The following DNAH11 variants were observed in gnomAD, a reference collection of about 807,000 sequenced individuals.
DNAH11 encodes axonemal beta dynein heavy chain 11.
DNAH11 carries 442 observed loss-of-function variants against 526.0 expected under a neutral mutation model. The ratio of observed to expected loss-of-function variants is 0.84; its 90% confidence interval spans 0.78 to 0.91. DNAH11 has a LOEUF of 0.91. DNAH11 is among the 40% of genes least tolerant of loss of function. DNAH11 has a pLI of 0.00. For synonymous variants in DNAH11, 2,461 were observed against 1,935.9 expected (o/e 1.27, Z -7.12); for missense variants, 6,989 against 5,448.7 (o/e 1.28, Z -8.90).
chr7:21,695,089 A>C (rs1783793598), intron 35 of DNAH11, among the ~76,000 whole-genome samples: 1 of 152,230 alleles, frequency 6.6e-6, no homozygotes, highest in East Asian at 1.9e-4. Flanking sequence ...CAAGGAAATA[A>C]GAGAGGACAC....
At chr7:21,790,789 G>A (rs865871787) in intron 61 of DNAH11, among the ~76,000 whole-genome samples, 1 of 152,194 alleles carries the variant, frequency 6.6e-6, no homozygotes, top group Admixed American at 6.5e-5. Flanking sequence ...ATGTTTTGGC[G>A]AGTATGAGGG....
intron 34 of DNAH11, among the ~76,000 whole-genome samples, chr7:21,690,129 C>A (rs1168970663): frequency 6.6e-6 from 1 of 152,116 alleles, no homozygotes; most frequent in Non-Finnish European, 1.5e-5. Context: ...CCTTTTAAAT[C>A]CTTGCAGAAT....
At chr7:21,858,321 GTAAAGA>G in intron 68 of DNAH11, among the ~76,000 whole-genome samples, 1 of 152,288 alleles carries the variant, frequency 6.6e-6, no homozygotes, top group East Asian at 1.9e-4. Flanking sequence ...GCAGTTTCTT[GTAAAGA>G]TAAATATACA....
intron 69 of DNAH11, 76 bp downstream of exon 69, chr7:21,862,099 C>T: frequency 3.0e-6 from 4 of 1,334,606 alleles, no homozygotes; most frequent in South Asian, 3.2e-5. Context: ...TATTTTATTT[C>T]TGCTGAAGCA....
intron 26 of DNAH11, 41 bp downstream of exon 26, chr7:21,636,136 TGTAAA>T (rs1417278862): frequency 1.3e-6 from 2 of 1,503,412 alleles, no homozygotes; most frequent in Non-Finnish European, 1.8e-6. Flanking sequence ...AGCAAAGTTT[TGTAAA>T]GTAACATGGT....
chr7:21,879,294 A>T (rs1235645236), intron 74 of DNAH11, among the ~76,000 whole-genome samples: 1 of 152,000 alleles, frequency 6.6e-6, no homozygotes, highest in African/African-American at 2.4e-5. Context: ...TCTATTTAAA[A>T]ATATATACAA....
Position 21,722,055 on chromosome 7 carries a change from C to T in DNAH11, c.7266+1199C>T, listed in dbSNP as rs555796474. ...CATTTGCACCAGCACACAGATCCCA[C>T]GAACTGCTTAGACTTACCAAAGTGC... is the stretch of plus-strand genomic sequence containing the variant. On this transcript the variant is annotated intron_variant, in intron 44 of 81. Coordinates refer to ENST00000409508, the MANE Select transcript of DNAH11 (RefSeq NM_001277115.2). 2.9e-4 allele frequency among the ~76,000 whole-genome samples: 44 copies of T among 152,272 alleles called. 1 individual carries two copies. The highest frequency in any genetic ancestry group is 8.4e-4 in the African/African-American group (35 of 41,554).
intron 25 of DNAH11, among the ~76,000 whole-genome samples, chr7:21,634,154 A>G (rs1199102245): frequency 6.6e-6 from 1 of 152,234 alleles, no homozygotes; most frequent in Non-Finnish European, 1.5e-5. Flanking sequence ...GATGACACTT[A>G]TTATTGGTTT....
At position 21,869,002 on chromosome 7, in the gene DNAH11, A is replaced by C; in HGVS notation, c.11967+11A>C. On this transcript the variant is annotated intron_variant, in intron 73 of 81. Transcript: ENST00000409508. ...TGGGTCATCCTCCAAGTGAGTATTA[A>C]GTTTCAGGGAAGACACTGGGCATAA... 2 of 1,613,716 alleles carry C rather than the reference A, an allele frequency of 1.2e-6. No homozygotes were observed. Among genetic ancestry groups the C allele is most frequent in the Non-Finnish European group, 1.7e-6 (2 of 1,179,796 alleles).
At chr7:21,567,069 TG>T (rs1259270672) in intron 6 of DNAH11, among the ~76,000 whole-genome samples, 4 of 152,224 alleles carry the variant, frequency 2.6e-5, no homozygotes, top group African/African-American at 9.6e-5. Context: ...AATCTTTTCA[TG>T]GCTCTTGAGC....
intron 63 of DNAH11, among the ~76,000 whole-genome samples, chr7:21,813,359 A>T (rs1242919235): frequency 6.6e-6 from 1 of 152,218 alleles, no homozygotes; most frequent in Non-Finnish European, 1.5e-5. Flanking sequence ...CACTAATGCT[A>T]AGCCTCTGTG....
At position 21,617,666 on chromosome 7, in the gene DNAH11, G is replaced by A. The variant is rs757101745; in HGVS notation, c.4143G>A (p.Thr1381=). The A allele has an allele frequency of 1.1e-5, 18 of 1,613,770 alleles. No individual in the cohort carries two copies. The highest frequency in any genetic ancestry group is 1.7e-4 in the Middle Eastern group (1 of 6,056). Residue 1381 remains threonine (T), a synonymous_variant, in exon 23 of 82, where the codon ACG becomes ACA. Coordinates refer to ENST00000409508, the MANE Select transcript of DNAH11 (RefSeq NM_001277115.2). ...NKEVRVWDAY[T]GLEGTVKDMT... ...AAGTCCGCGTCTGGGATGCTTACAC[G>A]GGCCTGGAAGGCACAGTTAAGGACA... is the stretch of plus-strand genomic sequence containing the variant.
chr7:21,626,264 C>A (rs1786328325), intron 25 of DNAH11, among the ~76,000 whole-genome samples: 1 of 152,116 alleles, frequency 6.6e-6, no homozygotes, highest in Non-Finnish European at 1.5e-5. Flanking sequence ...TCCTCTAGTT[C>A]CATCCACATA....
chr7:21,802,730 A>G (rs896131716), intron 62 of DNAH11, among the ~76,000 whole-genome samples: 1 of 151,950 alleles, frequency 6.6e-6, no homozygotes, highest in Non-Finnish European at 1.5e-5. Context: ...ATCACATGGT[A>G]TGTGATATCA....
At chr7:21,566,827 T>C (rs1024788657) in intron 6 of DNAH11, among the ~76,000 whole-genome samples, 1 of 152,208 alleles carries the variant, frequency 6.6e-6, no homozygotes, top group Non-Finnish European at 1.5e-5. Flanking sequence ...CACTCTATTA[T>C]TAAAGCATTT....
At chr7:21,766,041 T>C (rs1213281324) in intron 55 of DNAH11, among the ~76,000 whole-genome samples, 1 of 152,222 alleles carries the variant, frequency 6.6e-6, no homozygotes, top group Admixed American at 6.5e-5. Context: ...ATTCTCATAG[T>C]AGCAATAGTT....
rs370223017 is a variant in DNAH11 at position 21,739,609 on chromosome 7, A to G, written c.7850A>G (p.Asn2617Ser). Residue 2617 changes from asparagine to serine, a missense_variant, in exon 48 of 82, where the codon AAC (asparagine) becomes AGC (serine). Physicochemically the swap from Asn to Ser is conservative, Grantham distance 46. Transcript: ENST00000409508. The part of the protein sequence containing the change: ...RQKVMLKEIH[N>S]CQYVACMNPM... ...AAGGTGATGCTTAAAGAAATCCATA[A>G]CTGCCAGTATGTCGCCTGCATGAAT... 1.2e-5 allele frequency: 20 copies of G among 1,612,766 alleles called. No individual in the cohort carries two copies. The highest frequency in any genetic ancestry group is 1.6e-5 in the Non-Finnish European group (19 of 1,179,478).
chr7:21,682,670 C>G (rs549698350), intron 31 of DNAH11, among the ~76,000 whole-genome samples: 2 of 151,982 alleles, frequency 1.3e-5, no homozygotes, highest in African/African-American at 4.8e-5. Flanking sequence ...CTGGGTTACG[C>G]TTGTTTGGTA....
chr7:21,802,043 G>T (rs986069177), intron 62 of DNAH11, among the ~76,000 whole-genome samples: 1 of 152,160 alleles, frequency 6.6e-6, no homozygotes, highest in South Asian at 2.1e-4. Context: ...TTGTTTTCTT[G>T]TATCTAAAAC....
Sources: gnomAD v4.1 joint callset for allele counts (sites outside exome capture counted in the v4.1 genomes callset) on GRCh38, gnomAD v4.1.1 for gene constraint, MANE v1.5 for transcripts, NCBI Gene and HGNC (gene_info 2026-07-23, HGNC 2026-07-21) for gene names.